The following DMXL2 variants were observed in gnomAD, a reference collection of about 807,000 sequenced individuals.
DMXL2 encodes the protein Dmx like 2.
DMXL2 carries 103 observed loss-of-function variants against 331.1 expected under a neutral mutation model. The observed-to-expected ratio is 0.31, with a 90% confidence interval of 0.27 to 0.37. The LOEUF is 0.37. DMXL2 is among the 10% of genes least tolerant of loss of function. The pLI is 1.00. For missense variants in DMXL2, 3,171 were observed against 3,642.9 expected (o/e 0.87, Z 3.33); for synonymous variants, 1,281 against 1,252.1 (o/e 1.02, Z -0.49).
At position 51,493,111 on chromosome 15, in the gene DMXL2, C is replaced by G. The variant is rs1033383248; in HGVS notation, c.4784-1364G>C. Among the ~76,000 whole-genome samples, 15 of 151,962 alleles carry G rather than the reference C, an allele frequency of 9.9e-5. 1 individual carries two copies. On this transcript the variant is annotated intron_variant, in intron 19 of 43. Transcript: ENST00000560891. ...CCACTATAAATTTAGGGGAAAACAC[C>G]AGAAAAAATTAATAAAATAAATTTA...
intron 1 of DMXL2, among the ~76,000 whole-genome samples, chr15:51,589,620 A>G (rs1341055876): frequency 2.0e-5 from 3 of 152,240 alleles, no homozygotes; most frequent in African/African-American, 7.2e-5. Flanking sequence ...AGCAGTTACT[A>G]AAGTTATCTG....
At chr15:51,515,975 A>G (rs1224046288) in intron 14 of DMXL2, among the ~76,000 whole-genome samples, 1 of 152,206 alleles carries the variant, frequency 6.6e-6, no homozygotes, top group African/African-American at 2.4e-5. Context: ...AGGAGGTATT[A>G]GCAATATGGG....
intron 1 of DMXL2, among the ~76,000 whole-genome samples, chr15:51,611,590 C>T (rs181479155): frequency 1.3e-5 from 2 of 152,122 alleles, no homozygotes; most frequent in East Asian, 1.9e-4. Flanking sequence ...TTACATCTTG[C>T]GGGGTGGGAG....
In DMXL2 at chr15:51,542,456, G is replaced by A. The variant is rs773051011; in HGVS notation, c.982C>T (p.Leu328Phe). ...GGCATTAATTCAGCATGAGTTACAAGAACAGATGACCTCCTCTGTCCTTTC... is the reference window on the plus strand; with the variant it reads ...GGCATTAATTCAGCATGAGTTACAAAAACAGATGACCTCCTCTGTCCTTTC... ...LRKGQRRSSV[L>F]VTHAELMPDQ... Residue 328 changes from leucine to phenylalanine, a missense_variant, in exon 9 of 44, where the codon CTT (leucine) becomes TTT (phenylalanine). This residue lies in a region of DMXL2 where 1,674 missense variants were observed against 1,780.2 expected (regional missense o/e 0.94). Coordinates refer to ENST00000560891, the MANE Select transcript of DMXL2 (RefSeq NM_001378457.1). The A allele has an allele frequency of 1.2e-6, 2 of 1,613,622 alleles. No homozygotes were observed. Among genetic ancestry groups the A allele is most frequent in the Admixed American group, 3.3e-5 (2 of 59,952 alleles).
intron 6 of DMXL2, among the ~76,000 whole-genome samples, chr15:51,558,601 T>G (rs1159654483): frequency 6.6e-6 from 1 of 152,212 alleles, no homozygotes; most frequent in Non-Finnish European, 1.5e-5. Context: ...CGCACATGAT[T>G]GCAGTCTTCC....
At chr15:51,544,289 T>C (rs1462522301) in intron 8 of DMXL2, among the ~76,000 whole-genome samples, 2 of 152,128 alleles carry the variant, frequency 1.3e-5, no homozygotes, top group Non-Finnish European at 2.9e-5. Flanking sequence ...TGAGTTCTCA[T>C]AAGATTTGGT....
intron 39 of DMXL2, 142 bp downstream of exon 39, chr15:51,455,924 T>C: frequency 1.1e-6 from 1 of 901,770 alleles, no homozygotes; most frequent in Non-Finnish European, 1.7e-6. Context: ...GAAAAGAGAG[T>C]GTATGAATAG....
At chr15:51,471,085 G>A in intron 29 of DMXL2, 138 bp downstream of exon 29, 1 of 741,470 alleles carries the variant, frequency 1.3e-6, no homozygotes, top group Non-Finnish European at 2.1e-6. Flanking sequence ...TTCAGTTTCT[G>A]GACTTAATAA....
chr15:51,460,933 A>G (rs557391494), intron 33 of DMXL2, among the ~76,000 whole-genome samples: 1 of 152,264 alleles, frequency 6.6e-6, no homozygotes, highest in South Asian at 2.1e-4. Context: ...CAGTTTCTCA[A>G]TCATGCTAGC....
Position 51,574,365 on chromosome 15 carries a change from G to A in DMXL2, c.213+1691C>T, listed in dbSNP as rs927209875. 3.9e-5 allele frequency among the ~76,000 whole-genome samples: 6 copies of A among 152,236 alleles called. No individual in the cohort carries two copies. The East Asian group carries it at 5.8e-4, about 15-fold the overall frequency. On this transcript the variant is annotated intron_variant, in intron 2 of 43. Coordinates refer to ENST00000560891, the MANE Select transcript of DMXL2 (RefSeq NM_001378457.1). ...AACTACAGGGAATAGACCAAAAACC[G>A]TCCTTTCTGACACCTCTGCACCCTG...
chr15:51,535,929 CA>C, intron 12 of DMXL2, 145 bp from the exon 13 acceptor site: 1 of 1,020,184 alleles, frequency 9.8e-7, no homozygotes, highest in Non-Finnish European at 1.4e-6. Context: ...TAAGTAGATA[CA>C]AAATTATTAA....
At chr15:51,594,683 A>G (rs1241647766) in intron 1 of DMXL2, among the ~76,000 whole-genome samples, 3 of 152,112 alleles carry the variant, frequency 2.0e-5, no homozygotes, top group South Asian at 2.1e-4. Flanking sequence ...CTGGCAAACC[A>G]AATCCAGCAG....
intron 13 of DMXL2, among the ~76,000 whole-genome samples, chr15:51,526,775 A>G (rs1703273034): frequency 6.6e-6 from 1 of 152,242 alleles, no homozygotes; most frequent in African/African-American, 2.4e-5. Context: ...AAAATGCATC[A>G]GAGTCTTTTA....
Position 51,536,140 on chromosome 15 carries a change from A to AT in DMXL2, c.2314+25dup, listed in dbSNP as rs747822803. The AT allele has an allele frequency of 2.3e-5, 34 of 1,505,910 alleles. No individual in the cohort carries two copies. The East Asian group carries it at 7.3e-4, about 32-fold the overall frequency. 93.3% of individuals were successfully genotyped at this position (1,505,910 alleles called of 1,614,324 possible). A position where few individuals can be genotyped will look rare whatever the true frequency, so the allele number is the denominator to read the frequency against. On this transcript the variant is annotated intron_variant, in intron 12 of 43. Transcript: ENST00000560891. ...AATAATAGTTTAAAAGCTTGTGTTA[A>AT]TTTCACAATTACAATGAACACTTAC...
chr15:51,547,006 AG>A lies in DMXL2; in HGVS notation c.746+223del, dbSNP rs749320077. Among the ~76,000 whole-genome samples the A allele has an allele frequency of 1.3e-4, 20 of 152,142 alleles. No homozygotes were observed. In the South Asian group the frequency reaches 1.9e-3, roughly 14 times the overall value. Reference sequence around the variant, plus strand: ...TAGTTTCACAGTAACTCTCTGAGGTAGGTACTATTACTACCCTCACTCTACA... The same window carrying A: ...TAGTTTCACAGTAACTCTCTGAGGTAGTACTATTACTACCCTCACTCTACA... On this transcript the variant is annotated intron_variant, in intron 7 of 43. Coordinates refer to ENST00000560891, the MANE Select transcript of DMXL2 (RefSeq NM_001378457.1).
intron 15 of DMXL2, among the ~76,000 whole-genome samples, chr15:51,509,726 T>C (rs1029661587): frequency 1.3e-5 from 2 of 152,174 alleles, no homozygotes; most frequent in Admixed American, 1.3e-4. Flanking sequence ...ATCATCCTGA[T>C]ACCAAAACGT....
At chr15:51,516,983 A>G (rs1237117513) in intron 14 of DMXL2, 95 bp downstream of exon 14, 11 of 981,518 alleles carry the variant, frequency 1.1e-5, no homozygotes, top group Non-Finnish European at 1.7e-5. Context: ...AATAACAAAC[A>G]AGAAAATTAT....
intron 17 of DMXL2, among the ~76,000 whole-genome samples, chr15:51,502,417 A>C (rs1397886251): frequency 1.3e-5 from 2 of 151,028 alleles, no homozygotes; most frequent in Non-Finnish European, 2.9e-5. Flanking sequence ...CCACCTCTCG[A>C]GTTCAAGCAA....
At chr15:51,480,269 G>T in intron 24 of DMXL2, 130 bp from the exon 25 acceptor site, 1 of 967,372 alleles carries the variant, frequency 1.0e-6, no homozygotes, top group Non-Finnish European at 1.5e-6. Flanking sequence ...CAAATTTATT[G>T]AGCACCCAGT....
Sources: gnomAD v4.1 joint callset for allele counts (sites outside exome capture counted in the v4.1 genomes callset) on GRCh38, gnomAD v4.1.1 for gene constraint, gnomAD v4.1.1 regional missense constraint, MANE v1.5 for transcripts, NCBI Gene and HGNC (gene_info 2026-07-23, HGNC 2026-07-21) for gene names.